PCDH11X: variants seen among roughly 807,000 people sequenced by gnomAD.
The protein encoded by PCDH11X is protocadherin-11 X-linked.
Under a neutral mutation model 53.3 loss-of-function variants are expected in PCDH11X, and 18 were observed. The ratio of observed to expected loss-of-function variants is 0.34; its 90% CI spans 0.23 to 0.50. PCDH11X has a LOEUF of 0.50. PCDH11X is among the 20% of genes least tolerant of loss of function. The pLI is 0.98. For synonymous variants in PCDH11X, 279 were observed against 393.3 expected, an observed-to-expected ratio of 0.71 and a Z score of 3.44; for missense variants, 570 against 1,032.4, an observed-to-expected ratio of 0.55 and a Z score of 6.14.
intron 6 of PCDH11X, among the ~76,000 whole-genome samples, chrX:92,072,652 G>A (rs1367125905): frequency 8.9e-6 from 1 of 111,745 alleles, no homozygotes; most frequent in Non-Finnish European, 1.9e-5. Flanking sequence ...CTGTGGCTGA[G>A]CTGGTATCTA....
At chrX:92,255,136 G>GT (rs1318814274) in intron 7 of PCDH11X, among the ~76,000 whole-genome samples, 2 of 105,971 alleles carry the variant, frequency 1.9e-5, no homozygotes, top group East Asian at 5.9e-4. Flanking sequence ...GGCTTTGCTC[G>GT]TTTCTTTTTA....
intron 6 of PCDH11X, among the ~76,000 whole-genome samples, chrX:92,139,287 T>G (rs1434211544): frequency 1.0e-5 from 1 of 97,881 alleles, no homozygotes; most frequent in East Asian, 3.1e-4. Flanking sequence ...TTTTTTTTTT[T>G]TTGTTGAGAT....
chrX:92,108,882 A>G (rs1324033925), intron 6 of PCDH11X, among the ~76,000 whole-genome samples: 1 of 111,562 alleles, frequency 9.0e-6, no homozygotes, highest in Non-Finnish European at 1.9e-5. Flanking sequence ...AAAATGTTCT[A>G]TTATCATTAT....
At chrX:91,785,827 A>C (rs1315651221) in intron 1 of PCDH11X, among the ~76,000 whole-genome samples, 4 of 108,344 alleles carry the variant, frequency 3.7e-5, no homozygotes, top group Admixed American at 2.9e-4. Flanking sequence ...CATCATCTCT[A>C]AAATGTGGTT....
At chrX:92,615,315 C>T (rs933919054) in intron 10 of PCDH11X, among the ~76,000 whole-genome samples, 5 of 110,979 alleles carry the variant, frequency 4.5e-5, no homozygotes, top group African/African-American at 9.8e-5. Flanking sequence ...AGCAAGTGGG[C>T]GCTCCAGATG....
chrX:92,177,273 C>T (rs1340327109), intron 6 of PCDH11X, among the ~76,000 whole-genome samples: 6 of 111,088 alleles, frequency 5.4e-5, no homozygotes, highest in South Asian at 3.8e-4. Context: ...CCACTGTGCC[C>T]GGCCACAAGG....
chrX:92,520,518 T>C (rs776554968), intron 10 of PCDH11X, among the ~76,000 whole-genome samples: 1 of 105,060 alleles, frequency 9.5e-6, no homozygotes, highest in South Asian at 4.6e-4. Context: ...TTTGCCATGT[T>C]GCCCAGGCTG....
intron 1 of PCDH11X, among the ~76,000 whole-genome samples, chrX:91,805,602 G>A (rs1326331575): frequency 9.0e-6 from 1 of 110,776 alleles, no homozygotes; most frequent in African/African-American, 3.3e-5. Flanking sequence ...GCTTGCTTGA[G>A]CTCAGGAGTT....
chrX:92,334,353 A>G (rs1297624245), intron 8 of PCDH11X, among the ~76,000 whole-genome samples: 1 of 111,807 alleles, frequency 8.9e-6, no homozygotes, highest in Non-Finnish European at 1.9e-5. Context: ...TAAACACTGT[A>G]CTACTGTAAT....
chrX:92,406,852 C>T (rs896238585), intron 9 of PCDH11X, among the ~76,000 whole-genome samples: 3 of 106,429 alleles, frequency 2.8e-5, no homozygotes, highest in African/African-American at 1.0e-4. Flanking sequence ...GCTTGAACCC[C>T]GGAGGCAGAG....
chrX:92,497,942 T>G (rs2073888120), intron 10 of PCDH11X, among the ~76,000 whole-genome samples: 1 of 112,046 alleles, frequency 8.9e-6, no homozygotes, highest in African/African-American at 3.2e-5. Flanking sequence ...ATATTGATCA[T>G]TTAAGAATAA....
At chrX:91,787,461 G>A (rs771902899) in intron 1 of PCDH11X, among the ~76,000 whole-genome samples, 1 of 110,779 alleles carries the variant, frequency 9.0e-6, no homozygotes, top group Non-Finnish European at 1.9e-5. Flanking sequence ...TTTAAATTGT[G>A]TGAACACAAG....
chrX:92,025,170 A>G (rs777007471), intron 6 of PCDH11X, among the ~76,000 whole-genome samples: 4 of 110,753 alleles, frequency 3.6e-5, no homozygotes, highest in Non-Finnish European at 7.6e-5. Flanking sequence ...AAAAAAAACT[A>G]TCATCAGAGT....
chrX:91,878,973 A>G lies in PCDH11X; in HGVS notation c.2733A>G (p.Leu911=). The change falls in exon 6 of 11, where the codon CTA becomes CTG. Residue 911 remains leucine, a synonymous_variant. Transcript: ENST00000682573. ...TCACACTAGACCTTCCTATTGATCTAGAAGAGCAAACAATGGGAAAGTACA... is the reference window on the plus strand; with the variant it reads ...TCACACTAGACCTTCCTATTGATCTGGAAGAGCAAACAATGGGAAAGTACA... ...NRVTLDLPID[L]EEQTMGKYNW... The G allele has an allele frequency of 8.3e-7, 1 of 1,211,696 alleles. No homozygotes were observed. The highest frequency in any genetic ancestry group is 1.1e-6 in the Non-Finnish European group (1 of 895,438).
intron 8 of PCDH11X, among the ~76,000 whole-genome samples, chrX:92,338,767 GT>G (rs1039488839): frequency 6.3e-5 from 7 of 111,926 alleles, no homozygotes; most frequent in African/African-American, 2.3e-4. Context: ...GCTGGGTCAT[GT>G]TGGTTGGTGT....
chrX:92,064,390 G>T (rs1393056976), intron 6 of PCDH11X, among the ~76,000 whole-genome samples: 1 of 109,656 alleles, frequency 9.1e-6, no homozygotes, highest in South Asian at 3.9e-4. Context: ...CACCAATTTT[G>T]ATTGTACAGT....
At chrX:92,335,381 T>C (rs1356420961) in intron 8 of PCDH11X, among the ~76,000 whole-genome samples, 22 of 109,273 alleles carry the variant, frequency 2.0e-4, no homozygotes, top group Non-Finnish European at 1.9e-4. Flanking sequence ...GTTTAAATCA[T>C]GCTTGCATCT....
At chrX:92,225,094 T>A (rs1340955854) in intron 7 of PCDH11X, among the ~76,000 whole-genome samples, 1 of 111,939 alleles carries the variant, frequency 8.9e-6, no homozygotes, top group Non-Finnish European at 1.9e-5. Flanking sequence ...CCTAAAGGGG[T>A]GTTTTACAAC....
At chrX:91,899,485 C>G (rs1940874517) in intron 6 of PCDH11X, among the ~76,000 whole-genome samples, 1 of 110,822 alleles carries the variant, frequency 9.0e-6, no homozygotes, top group African/African-American at 3.3e-5. Flanking sequence ...AGGAACAATA[C>G]TTTGCAAACT....
Sources: gnomAD v4.1 joint callset for allele counts (sites outside exome capture counted in the v4.1 genomes callset) on GRCh38, gnomAD v4.1.1 for gene constraint, MANE v1.5 for transcripts, NCBI Gene and HGNC (gene_info 2026-07-23, HGNC 2026-07-21) for gene names.